CPA6: variants seen among roughly 807,000 people sequenced by gnomAD.
CPA6 encodes the protein carboxypeptidase A6, also known as carboxypeptidase B.
CPA6 carries 58 observed loss-of-function variants against 63.3 expected under a neutral mutation model. The observed-to-expected ratio is 0.92, with a 90% CI of 0.74 to 1.14. CPA6 has a LOEUF of 1.14. Ranked by LOEUF, CPA6 falls within the 50% of genes most tolerant of loss-of-function variation. The pLI is 0.00. For synonymous variants in CPA6, 185 were observed against 179.0 expected, an observed-to-expected ratio of 1.03 and a Z score of -0.27; for missense variants, 565 against 526.6, an observed-to-expected ratio of 1.07 and a Z score of -0.71.
chr8:67,487,413 T>C (rs1194932091), intron 6 of CPA6, among the ~76,000 whole-genome samples: 2 of 152,232 alleles, frequency 1.3e-5, no homozygotes, highest in Admixed American at 6.5e-5. Context: ...TAGTATTCCA[T>C]GGTGCATATG....
At chr8:67,684,339 T>C (rs1025695498) in intron 1 of CPA6, among the ~76,000 whole-genome samples, 16 of 152,274 alleles carry the variant, frequency 1.1e-4, no homozygotes, top group Middle Eastern at 3.4e-3. Context: ...AAATATTTCA[T>C]AGTCATTATC....
In CPA6 at chr8:67,446,081, C is replaced by G. The variant is rs183194770; in HGVS notation, c.839-11841G>C. Among the ~76,000 whole-genome samples the G allele has an allele frequency of 6.6e-4, 100 of 151,978 alleles. No homozygotes were observed. In the East Asian group the frequency reaches 0.011, roughly 17 times the overall value. On this transcript the variant is annotated intron_variant, in intron 8 of 10. Coordinates refer to ENST00000297770, the MANE Select transcript of CPA6 (RefSeq NM_020361.5). ...AGATCGAGACCATCCTGGCTAACAC[C>G]GTGAAACCCTGTCTCTACTAAAAAA... is the stretch of plus-strand genomic sequence containing the variant.
intron 8 of CPA6, among the ~76,000 whole-genome samples, chr8:67,434,528 A>G (rs1435193191): frequency 6.6e-6 from 1 of 152,208 alleles, no homozygotes; most frequent in Non-Finnish European, 1.5e-5. Context: ...TTCTAGCTGC[A>G]CCTAGCAGCT....
At chr8:67,549,488 A>C (rs541539271) in intron 2 of CPA6, among the ~76,000 whole-genome samples, 5 of 152,210 alleles carry the variant, frequency 3.3e-5, no homozygotes, top group Non-Finnish European at 7.3e-5. Context: ...TGTGACAAAA[A>C]CACTTAACAT....
rs200101923 is a variant in CPA6 at position 67,640,305 on chromosome 8, AG to A, written c.117-16055del. 9.0e-3 allele frequency among the ~76,000 whole-genome samples: 1,357 copies of A among 151,290 alleles called. 87 individuals are homozygous for A. The highest frequency in any genetic ancestry group is 0.03 in the African/African-American group (1,218 of 40,754). ...GCTATTTGTGCCAAGGGGTGCCTGC[AG>A]GCCAGCATCGAGCTGCCTTCAGTAC... On this transcript the variant is annotated intron_variant, in intron 1 of 10. Transcript: ENST00000297770.
intron 2 of CPA6, among the ~76,000 whole-genome samples, chr8:67,574,379 A>T (rs1444292099): frequency 6.7e-6 from 1 of 149,816 alleles, no homozygotes; most frequent in Non-Finnish European, 1.5e-5. Flanking sequence ...TCTGTCTCAA[A>T]AAAAAAAAAA....
intron 2 of CPA6, among the ~76,000 whole-genome samples, chr8:67,603,492 T>C (rs1195091292): frequency 6.6e-6 from 1 of 152,218 alleles, no homozygotes; most frequent in African/African-American, 2.4e-5. Context: ...AGACAGGATC[T>C]ATATGTTTAA....
intron 2 of CPA6, among the ~76,000 whole-genome samples, chr8:67,553,190 A>C (rs1470126775): frequency 6.6e-6 from 1 of 152,200 alleles, no homozygotes; most frequent in Non-Finnish European, 1.5e-5. Context: ...ACAGTGACTT[A>C]AGCCACTATC....
At chr8:67,728,196 C>A (rs2129002658) in intron 1 of CPA6, among the ~76,000 whole-genome samples, 1 of 151,984 alleles carries the variant, frequency 6.6e-6, no homozygotes, top group East Asian at 1.9e-4. Context: ...CCATTTAATT[C>A]CCCTAAAAGT....
chr8:67,740,824 C>A (rs924025203), intron 1 of CPA6, among the ~76,000 whole-genome samples: 1 of 152,160 alleles, frequency 6.6e-6, no homozygotes, highest in East Asian at 1.9e-4. Flanking sequence ...CCTGCCTCGG[C>A]CTCCCAAAGT....
At chr8:67,444,771 CA>C (rs200276914) in intron 8 of CPA6, among the ~76,000 whole-genome samples, 283 of 94,250 alleles carry the variant, frequency 3.0e-3, no homozygotes, top group South Asian at 6.0e-3. Flanking sequence ...GACTCTGTCT[CA>C]AAAAAAAAAA....
intron 2 of CPA6, among the ~76,000 whole-genome samples, chr8:67,534,185 G>C (rs1037081783): frequency 5.9e-5 from 9 of 152,250 alleles, no homozygotes; most frequent in African/African-American, 1.7e-4. Context: ...CTTGCACATA[G>C]GTATTCTTCA....
chr8:67,651,164 G>T (rs1309723137), intron 1 of CPA6, among the ~76,000 whole-genome samples: 4 of 152,116 alleles, frequency 2.6e-5, no homozygotes, highest in Non-Finnish European at 5.9e-5. Context: ...GAAGGTCTTT[G>T]CTTTCCTTCA....
chr8:67,611,851 T>C (rs1814815009), intron 2 of CPA6, among the ~76,000 whole-genome samples: 1 of 152,196 alleles, frequency 6.6e-6, no homozygotes. Context: ...TTGCGGTGCA[T>C]GGATTCCAAG....
chr8:67,521,883 T>C (rs898069650), intron 2 of CPA6, among the ~76,000 whole-genome samples: 1 of 152,214 alleles, frequency 6.6e-6, no homozygotes, highest in Non-Finnish European at 1.5e-5. Flanking sequence ...TTAGTCTCTG[T>C]GTGATTTTGG....
chr8:67,733,510 TCA>T (rs1326110669), intron 1 of CPA6, among the ~76,000 whole-genome samples: 1 of 152,152 alleles, frequency 6.6e-6, no homozygotes, highest in African/African-American at 2.4e-5. Context: ...TGACACTCTA[TCA>T]CCTTTCTACA....
At chr8:67,571,321 T>A (rs1195080055) in intron 2 of CPA6, among the ~76,000 whole-genome samples, 1 of 152,204 alleles carries the variant, frequency 6.6e-6, no homozygotes, top group East Asian at 1.9e-4. Context: ...TGAGGAACCA[T>A]TGGACTTGAA....
chr8:67,584,561 G>T (rs568566784), intron 2 of CPA6, among the ~76,000 whole-genome samples: 2 of 152,256 alleles, frequency 1.3e-5, no homozygotes, highest in South Asian at 4.2e-4. Flanking sequence ...AAATAAGGTA[G>T]TAACAGCCCC....
At chr8:67,452,557 C>T (rs978047206) in intron 8 of CPA6, 7 of 152,226 alleles carry the variant, frequency 4.6e-5, no homozygotes, top group African/African-American at 1.4e-4. Flanking sequence ...GTATTCAACA[C>T]GTCTTTACTA....
Sources: gnomAD v4.1 joint callset for allele counts (sites outside exome capture counted in the v4.1 genomes callset) on GRCh38, gnomAD v4.1.1 for gene constraint, MANE v1.5 for transcripts, NCBI Gene and HGNC (gene_info 2026-07-23, HGNC 2026-07-21) for gene names.